The following COL20A1 variants were observed in gnomAD, a reference collection of about 807,000 sequenced individuals.
COL20A1 encodes the protein collagen type XX alpha 1 chain.
Under a neutral mutation model 152.9 loss-of-function variants are expected in COL20A1, and 164 were observed. The ratio of observed to expected loss-of-function variants is 1.07; its 90% CI spans 0.94 to 1.22. COL20A1 has a LOEUF of 1.22. COL20A1 is among the 50% of genes most tolerant of loss of function. COL20A1 has a pLI of 0.00. For missense variants in COL20A1, 1,873 were observed against 1,744.8 expected (o/e 1.07, Z -1.31); for synonymous variants, 864 against 756.0 (o/e 1.14, Z -2.34).
intron 19 of COL20A1, among the ~76,000 whole-genome samples, 182 bp downstream of exon 19, chr20:63,314,383 G>C (rs1288793849): frequency 6.6e-6 from 1 of 152,186 alleles, no homozygotes; most frequent in African/African-American, 2.4e-5. Flanking sequence ...TTCCAGGCTG[G>C]CCCCACCTGG....
Position 63,325,441 on chromosome 20 carries a change from G to T in COL20A1, c.3295G>T (p.Gly1099Cys), listed in dbSNP as rs1396313415. The T allele has an allele frequency of 5.6e-6, 9 of 1,612,208 alleles. No homozygotes were observed. The Admixed American group carries it at 6.7e-5, about 12-fold the overall frequency. ...TGTCCAGCCCATCTTCCCCCTCCAG[G>T]GTCCACCAGGGGTCAAAGGAGAGAA... ...PGEQGFPGPRGPPGVKGEKGD... is the reference protein window; with the variant it reads ...PGEQGFPGPRCPPGVKGEKGD... The change falls in exon 28 of 36, where the codon GGT (glycine) becomes TGT (cysteine). Residue 1099 changes from glycine (G) to cysteine (C), a missense_variant and splice_region_variant. Transcript: ENST00000358894.
Position 63,314,017 on chromosome 20 carries a change from G to A in COL20A1, c.2359-55G>A, listed in dbSNP as rs141541551. The A allele has an allele frequency of 1.3e-3, 2,065 of 1,610,544 alleles. 25 individuals are homozygous for A. The African/African-American group carries it at 0.021, about 16-fold the overall frequency. ...ACGCAGAGGGAGGCAGCTGAGCCGC[G>A]TGGACGAGCAAAGTTGCCCAGGAAG... On this transcript the variant is annotated intron_variant, in intron 18 of 35. Transcript: ENST00000358894.
chr20:63,297,456 A>G (rs2067812113), intron 2 of COL20A1, among the ~76,000 whole-genome samples: 1 of 151,704 alleles, frequency 6.6e-6, no homozygotes, highest in Non-Finnish European at 1.5e-5. Context: ...CCGGGGACTC[A>G]GCCCAGGGGC....
intron 14 of COL20A1, 90 bp from the exon 15 acceptor site, chr20:63,312,330 C>T: frequency 2.2e-6 from 3 of 1,382,574 alleles, no homozygotes; most frequent in Non-Finnish European, 2.9e-6. Context: ...TGGGGTAGTC[C>T]TGGCTGCAGG....
intron 7 of COL20A1, 59 bp downstream of exon 7, chr20:63,308,149 C>G: frequency 6.3e-7 from 1 of 1,590,846 alleles, no homozygotes; most frequent in Non-Finnish European, 8.6e-7. Flanking sequence ...CTGCCGCCCT[C>G]CCAGATCCCG....
intron 8 of COL20A1, among the ~76,000 whole-genome samples, chr20:63,308,959 C>T (rs2067967307): frequency 6.6e-6 from 1 of 152,152 alleles, no homozygotes; most frequent in Non-Finnish European, 1.5e-5. Flanking sequence ...CGTGAACTTC[C>T]CTGGTGAGAT....
Position 63,316,682 on chromosome 20 carries a change from G to T in COL20A1, c.2654G>T (p.Arg885Ile). 6.4e-7 allele frequency: 1 copy of T among 1,564,830 alleles called. No individual in the cohort carries two copies. Among genetic ancestry groups the T allele is most frequent in the Non-Finnish European group, 8.7e-7 (1 of 1,156,050 alleles). The change falls in exon 21 of 36, where the codon AGA becomes ATA. Residue 885 changes from arginine to isoleucine, a missense_variant. Physicochemically the swap from Arg to Ile is moderately conservative, Grantham distance 97 (BLOSUM62 -3). Transcript: ENST00000358894. ...FTLFKDAQLT[R>I]RVSDVYPAPL... ...CTCTTCAAGGACGCCCAGCTGACAA[G>T]ACGGGTCAGGTGTGAGGGCAAGGGC...
rs112903953 is a variant in COL20A1 at position 63,313,654 on chromosome 20, G to C, written c.2210-89G>C. The C allele has an allele frequency of 2.0e-4, 261 of 1,285,016 alleles. 3 individuals carry two copies. The African/African-American group carries it at 3.5e-3, about 17-fold the overall frequency. 79.6% of individuals were successfully genotyped at this position (1,285,016 alleles called of 1,614,324 possible). On this transcript the variant is annotated intron_variant, in intron 17 of 35. Coordinates refer to ENST00000358894, the MANE Select transcript of COL20A1 (RefSeq NM_020882.4). The surrounding 1 kb of genome is among the most constrained non-coding windows in gnomAD (Gnocchi z 5.9). ...TGTGGTGGAGGCATTACGCAGAGCA[G>C]GGTAGGGGCTGGGCAGCTGGTCCTC...
At chr20:63,327,389 A>G (rs750042750) in intron 31 of COL20A1, 2 of 177,678 alleles carry the variant, frequency 1.1e-5, no homozygotes, top group Non-Finnish European at 2.4e-5. Context: ...CACCTCTCCC[A>G]ACCCCACCCA....
chr20:63,322,654 C>T lies in COL20A1; in HGVS notation c.3294+543C>T, dbSNP rs538770910. 3.9e-5 allele frequency among the ~76,000 whole-genome samples: 6 copies of T among 152,378 alleles called. No homozygotes were observed. The East Asian group carries it at 5.8e-4, about 15-fold the overall frequency. ...GCGCCCAGCGATGGCAGCAGCCCCC[C>T]ACCCCAGGCGCCAAAGGGCCGCCCT... On this transcript the variant is annotated intron_variant, in intron 27 of 35. Transcript: ENST00000358894.
Position 63,320,377 on chromosome 20 carries a change from C to T in COL20A1, c.3153+9C>T, listed in dbSNP as rs777569065. ...GTGAGCTCCCTGCCTCGGTGTGCCC[C>T]GTCCCTTGCCCCTGTTCCACGAAGC... On this transcript the variant is annotated intron_variant, in intron 25 of 35. Transcript: ENST00000358894. The T allele has an allele frequency of 8.1e-6, 13 of 1,610,142 alleles. No individual in the cohort carries two copies. The East Asian group carries it at 8.9e-5, about 11-fold the overall frequency.
At chr20:63,312,179 C>CG in intron 14 of COL20A1, 124 bp downstream of exon 14, 2 of 1,241,174 alleles carry the variant, frequency 1.6e-6, no homozygotes, top group Non-Finnish European at 2.2e-6. Context: ...CGAGGCACAG[C>CG]GGGGGCACCT....
Position 63,316,770 on chromosome 20 carries a change from G to A in COL20A1, c.2663+79G>A, listed in dbSNP as rs1424284765. The A allele has an allele frequency of 1.3e-5, 18 of 1,359,424 alleles. 1 individual carries two copies. The highest frequency in any genetic ancestry group is 9.1e-5 in the South Asian group (6 of 66,130). The allele number at this position is 1,359,424 out of a possible 1,614,324, so 84.2% of individuals were successfully genotyped here. A position where few individuals can be genotyped will look rare whatever the true frequency, so the allele number is the denominator to read the frequency against. On this transcript the variant is annotated intron_variant, in intron 21 of 35. Transcript: ENST00000358894. ...GATTAGGAGGACATGGTGGGGGGGCGGGCATGGGCCGGAGACCTCCTGGAG... is the reference window on the plus strand; with the variant it reads ...GATTAGGAGGACATGGTGGGGGGGCAGGCATGGGCCGGAGACCTCCTGGAG...
chr20:63,293,834 C>T (rs1046926987), intron 1 of COL20A1, among the ~76,000 whole-genome samples: 1 of 134,046 alleles, frequency 7.5e-6, no homozygotes, highest in African/African-American at 2.9e-5. Flanking sequence ...TGCAGAGGAG[C>T]AGATTCCCTG....
At chr20:63,293,759 G>C (rs1426296183) in intron 1 of COL20A1, among the ~76,000 whole-genome samples, 1 of 151,976 alleles carries the variant, frequency 6.6e-6, no homozygotes, top group African/African-American at 2.4e-5. Context: ...GCCCTTGGCC[G>C]GCCGGGCGGG....
At chr20:63,316,028 G>A (rs1008063897) in intron 20 of COL20A1, among the ~76,000 whole-genome samples, 2 of 152,216 alleles carry the variant, frequency 1.3e-5, no homozygotes, top group South Asian at 2.1e-4. Context: ...GGTGGGGCTC[G>A]CCAGGGAATG....
At position 63,319,628 on chromosome 20, in the gene COL20A1, T is replaced by G; in HGVS notation, c.2916+32T>G. 1 of 1,459,912 alleles carries G rather than the reference T, an allele frequency of 6.8e-7. No homozygotes were observed. The highest frequency in any genetic ancestry group is 9.4e-7 in the Non-Finnish European group (1 of 1,066,734). The allele number at this position is 1,459,912 out of a possible 1,614,324, so 90.4% of individuals were successfully genotyped here. A position where few individuals can be genotyped will look rare whatever the true frequency, so the allele number is the denominator to read the frequency against. ...GTGCAGCTCGCGCCCCTCTCCCCCG[T>G]TCCCCCAGCTCTGGGGCAGCCCAGC... On this transcript the variant is annotated intron_variant, in intron 23 of 35. Coordinates refer to ENST00000358894, the MANE Select transcript of COL20A1 (RefSeq NM_020882.4). This position sits in a 1 kb window ranked among gnomAD's most constrained non-coding sequence, Gnocchi z 4.4.
At position 63,311,380 on chromosome 20, in the gene COL20A1, G is replaced by A; in HGVS notation, c.1394-14G>A. ...GTGGGCTCCTTCCTAAAGTGTCCCTGCATGGCCCCCCAGCACCTCTGCCTC... is the reference window on the plus strand; with the variant it reads ...GTGGGCTCCTTCCTAAAGTGTCCCTACATGGCCCCCCAGCACCTCTGCCTC... On this transcript the variant is annotated splice_polypyrimidine_tract_variant and intron_variant, in intron 11 of 35. Transcript: ENST00000358894. The surrounding 1 kb of genome is among the most constrained non-coding windows in gnomAD (Gnocchi z 4.4). The A allele has an allele frequency of 6.4e-7, 1 of 1,572,590 alleles. No individual in the cohort carries two copies. The highest frequency in any genetic ancestry group is 1.2e-5 in the South Asian group (1 of 86,024).
intron 20 of COL20A1, among the ~76,000 whole-genome samples, chr20:63,316,293 G>C (rs2068082996): frequency 6.6e-6 from 1 of 151,008 alleles, no homozygotes; most frequent in Admixed American, 6.6e-5. Context: ...TTACCATGGT[G>C]GCCTGGGGAG....
Sources: gnomAD v4.1 joint callset for allele counts (sites outside exome capture counted in the v4.1 genomes callset) on GRCh38, gnomAD v4.1.1 for gene constraint, Gnocchi (gnomAD v3.1) non-coding constraint, MANE v1.5 for transcripts, NCBI Gene and HGNC (gene_info 2026-07-23, HGNC 2026-07-21) for gene names.